SS18: variants seen among roughly 807,000 people sequenced by gnomAD.
The protein encoded by SS18 is protein SSXT.
In SS18, 28 loss-of-function variants were observed where a neutral mutation model predicts 72.5. That is an observed-to-expected ratio of 0.39 (90% CI 0.29 to 0.53). The LOEUF is 0.53. Among genes scored for constraint, SS18 ranks in the 20% least tolerant of loss-of-function variants. The pLI, the probability that SS18 is intolerant of heterozygous loss-of-function variation, is 0.76. For missense variants in SS18, 518 were observed against 535.3 expected, an observed-to-expected ratio of 0.97 and a Z score of 0.32; for synonymous variants, 172 against 164.2, an observed-to-expected ratio of 1.05 and a Z score of -0.37.
At chr18:26,034,916 G>A in intron 9 of SS18, 89 bp downstream of exon 9, 1 of 1,467,524 alleles carries the variant, frequency 6.8e-7, no homozygotes, top group South Asian at 1.4e-5. Context: ...GATAATTCTT[G>A]TAAAAATAAG....
chr18:26,060,771 CAAAAAAAAAAAAAAAAAAAA>C (rs60999827), intron 3 of SS18, among the ~76,000 whole-genome samples: 506 of 39,656 alleles, frequency 0.013, 18 homozygotes, highest in Middle Eastern at 0.091. Context: ...CTAAAAATAC[CAAAAAAAAAAAAAAAAAAAA>C]AAAAAAAAAA....
chr18:26,071,535 T>A (rs1477466018), intron 3 of SS18, among the ~76,000 whole-genome samples: 1 of 152,176 alleles, frequency 6.6e-6, no homozygotes, highest in Non-Finnish European at 1.5e-5. Flanking sequence ...AAATATCTTC[T>A]AAGAATCATG....
chr18:26,047,458 A>T (rs1237918064), intron 5 of SS18, among the ~76,000 whole-genome samples: 1 of 88,864 alleles, frequency 1.1e-5, no homozygotes, highest in Non-Finnish European at 2.3e-5. Flanking sequence ...ATGCTGGGTC[A>T]AAGTTCTGAT....
chr18:26,062,052 G>A (rs1568017212), intron 3 of SS18, among the ~76,000 whole-genome samples: 3 of 152,272 alleles, frequency 2.0e-5, no homozygotes, highest in East Asian at 3.9e-4. Context: ...CTTGAGGCCA[G>A]GAGATCGAGG....
intron 5 of SS18, among the ~76,000 whole-genome samples, chr18:26,049,919 G>A (rs1415039139): frequency 1.3e-5 from 2 of 152,082 alleles, no homozygotes; most frequent in African/African-American, 4.8e-5. Context: ...TTATACTTAA[G>A]CAACATTTTG....
intron 1 of SS18, among the ~76,000 whole-genome samples, chr18:26,088,674 T>G (rs1054341142): frequency 1.3e-5 from 2 of 152,170 alleles, no homozygotes; most frequent in Non-Finnish European, 2.9e-5. Context: ...GTTTTGCCAT[T>G]TTGAGCAAGT....
In SS18 at chr18:26,035,305, T is replaced by C; in HGVS notation, c.974-178A>G. ...ACAGAAGGATTTCGGCCAAACAAAC[T>C]GCAGTTAAAGCCAATTTTGCAAGGT... is the stretch of plus-strand genomic sequence containing the variant. On this transcript the variant is annotated intron_variant, in intron 8 of 10. Transcript: ENST00000415083. The surrounding 1 kb of genome is among the most constrained non-coding windows in gnomAD (Gnocchi z 4.4). 1 of 800,376 alleles carries C rather than the reference T, an allele frequency of 1.2e-6. No homozygotes were observed. The allele number at this position is 800,376 out of a possible 1,614,324, so 49.6% of individuals were successfully genotyped here.
chr18:26,032,389 A>C lies in SS18; in HGVS notation c.1230+10T>G. 6.2e-7 allele frequency: 1 copy of C among 1,609,934 alleles called. No homozygotes were observed. Among genetic ancestry groups the C allele is most frequent in the Non-Finnish European group, 8.5e-7 (1 of 1,178,664 alleles). On this transcript the variant is annotated intron_variant, in intron 10 of 10. Transcript: ENST00000415083. The stretch of plus-strand genomic sequence containing the variant: ...AATGTGGCAATTCTGCAGCCGGTCA[A>C]ACTACTTACCTGGTCATATCCATAA...
Position 26,087,536 on chromosome 18 carries a change from G to A in SS18, c.111C>T (p.Asp37=), listed in dbSNP as rs368314161. 3.6e-5 allele frequency: 57 copies of A among 1,598,988 alleles called. No individual in the cohort carries two copies. Among genetic ancestry groups the A allele is most frequent in the Non-Finnish European group, 4.7e-5 (55 of 1,170,792 alleles). The part of the protein sequence containing the change: ...DNNHLIQCIM[D]SQNKGKTSEC... ...CTGAGGTCTTTCCTTTATTCTGAGA[G>A]TCCATTATACACTGAATAAGATGGT... The change falls in exon 2 of 11, where the codon GAC becomes GAT. Residue 37 remains aspartate (D), a synonymous_variant. Coordinates refer to ENST00000415083, the MANE Select transcript of SS18 (RefSeq NM_001007559.3).
chr18:26,028,631 A>C (rs2053492012), intron 10 of SS18, among the ~76,000 whole-genome samples: 1 of 152,242 alleles, frequency 6.6e-6, no homozygotes, highest in South Asian at 2.1e-4. Flanking sequence ...CAAAACAATT[A>C]TGCTGAGTAA....
chr18:26,050,085 A>C (rs2053894570), intron 5 of SS18, among the ~76,000 whole-genome samples: 1 of 152,150 alleles, frequency 6.6e-6, no homozygotes, highest in African/African-American at 2.4e-5. Flanking sequence ...AAATACAAAA[A>C]TTAGCTGGGC....
intron 3 of SS18, among the ~76,000 whole-genome samples, chr18:26,061,774 T>C (rs2054128232): frequency 6.6e-6 from 1 of 152,180 alleles, no homozygotes; most frequent in Admixed American, 6.5e-5. Context: ...AGAAAACACT[T>C]GTTATAAGAG....
chr18:26,059,183 A>C (rs2054076512), intron 3 of SS18, among the ~76,000 whole-genome samples: 1 of 152,224 alleles, frequency 6.6e-6, no homozygotes, highest in African/African-American at 2.4e-5. Flanking sequence ...AATCTAGACA[A>C]AAAGTAAAAA....
In SS18 at chr18:26,017,553, T is replaced by C. The variant is rs2053269481; in HGVS notation, c.*801A>G. 1 of 201,106 alleles carries C rather than the reference T, an allele frequency of 5.0e-6. No homozygotes were observed. The highest frequency in any genetic ancestry group is 1.0e-5 in the Non-Finnish European group (1 of 97,350). 12.5% of individuals were successfully genotyped at this position (201,106 alleles called of 1,614,324 possible). On this transcript the variant is annotated 3_prime_UTR_variant, in exon 11 of 11. Transcript: ENST00000415083. ...ACCACTTTCATTTAGATGAAACTGT[T>C]TTACCAAAGCCTCCTCAGATCCAAC...
intron 6 of SS18, 27 bp from the exon 7 acceptor site, chr18:26,038,686 T>C: frequency 6.4e-7 from 1 of 1,564,536 alleles, no homozygotes; most frequent in Non-Finnish European, 8.8e-7. Flanking sequence ...AGTCAAGATA[T>C]AAATAATGTG....
intron 2 of SS18, among the ~76,000 whole-genome samples, chr18:26,082,998 T>G (rs897963343): frequency 3.9e-5 from 6 of 152,238 alleles, no homozygotes; most frequent in Non-Finnish European, 8.8e-5. Flanking sequence ...ATTTTCCTTT[T>G]GCTTCTCCTA....
chr18:26,035,205 C>G lies in SS18; in HGVS notation c.974-78G>C. 2 of 1,451,252 alleles carry G rather than the reference C, an allele frequency of 1.4e-6. No homozygotes were observed. Among genetic ancestry groups the G allele is most frequent in the Middle Eastern group, 1.9e-4 (1 of 5,392 alleles). The allele number at this position is 1,451,252 out of a possible 1,614,324, so 89.9% of individuals were successfully genotyped here. A position where few individuals can be genotyped will look rare whatever the true frequency, so the allele number is the denominator to read the frequency against. Reference sequence around the variant, plus strand: ...CTTTTTTCCCTCTAAGATGCATAGCCAACAACACAAGAACAAAATGAAATG... The same window carrying G: ...CTTTTTTCCCTCTAAGATGCATAGCGAACAACACAAGAACAAAATGAAATG... On this transcript the variant is annotated intron_variant, in intron 8 of 10. Coordinates refer to ENST00000415083, the MANE Select transcript of SS18 (RefSeq NM_001007559.3). This position sits in a 1 kb window ranked among gnomAD's most constrained non-coding sequence, Gnocchi z 4.4.
chr18:26,051,632 G>A (rs967408590), intron 5 of SS18, among the ~76,000 whole-genome samples: 2 of 152,082 alleles, frequency 1.3e-5, no homozygotes, highest in African/African-American at 2.4e-5. Context: ...GGATCTTGCT[G>A]TTGTTTGGAC....
At position 26,065,800 on chromosome 18, in the gene SS18, CATAT is replaced by C. The variant is rs58222135; in HGVS notation, c.232-8062_232-8059del. 3.4e-3 allele frequency among the ~76,000 whole-genome samples: 189 copies of C among 55,594 alleles called. 5 individuals are homozygous for C. The highest frequency in any genetic ancestry group is 0.023 in the Admixed American group (133 of 5,790). 36.5% of individuals were successfully genotyped at this position (55,594 alleles called of 152,430 possible). A position where few individuals can be genotyped will look rare whatever the true frequency, so the allele number is the denominator to read the frequency against. ...AATATATAAAGAATGCCTACAAATC[CATAT>C]ATATATATATATATATATATGATCA... On this transcript the variant is annotated intron_variant, in intron 3 of 10. Transcript: ENST00000415083.
Sources: allele counts gnomAD v4.1 joint callset (sites outside exome capture counted in the v4.1 genomes callset), GRCh38; gene constraint gnomAD v4.1.1; non-coding constraint Gnocchi (gnomAD v3.1); transcripts MANE v1.5; gene names NCBI Gene and HGNC (gene_info 2026-07-23, HGNC 2026-07-21).